Variants in ATG16L1 observed in about 807,000 individuals in gnomAD.
ATG16L1 encodes autophagy related 16 like 1.
A neutral mutation model predicts 88.5 loss-of-function variants in ATG16L1; 37 were observed. The ratio of observed to expected loss-of-function variants is 0.42; its 90% CI spans 0.32 to 0.55. ATG16L1 has a LOEUF of 0.55. Among genes scored for constraint, ATG16L1 ranks in the 20% least tolerant of loss-of-function variants. The pLI, the probability that ATG16L1 is intolerant of heterozygous loss-of-function variation, is 0.13. For synonymous variants in ATG16L1, 301 were observed against 281.0 expected, an observed-to-expected ratio of 1.07 and a Z score of -0.71; for missense variants, 554 against 752.8, an observed-to-expected ratio of 0.74 and a Z score of 3.09.
chr2:233,279,488 T>C (rs912617283), intron 10 of ATG16L1, among the ~76,000 whole-genome samples: 2 of 152,252 alleles, frequency 1.3e-5, no homozygotes, highest in African/African-American at 4.8e-5. Flanking sequence ...CGGCATTTCT[T>C]ACAGTTTTGT....
intron 2 of ATG16L1, among the ~76,000 whole-genome samples, chr2:233,257,722 G>T (rs1035844733): frequency 1.3e-5 from 2 of 152,078 alleles, no homozygotes; most frequent in African/African-American, 4.8e-5. Flanking sequence ...AAATATCAGT[G>T]TGTGCTGGGC....
At chr2:233,273,544 C>T in intron 7 of ATG16L1, 177 bp from the exon 8 acceptor site, 1 of 585,928 alleles carries the variant, frequency 1.7e-6, no homozygotes, top group Non-Finnish European at 3.0e-6. Flanking sequence ...CTGGGTTTTC[C>T]CTTTCCCTTC....
intron 16 of ATG16L1, 83 bp downstream of exon 16, chr2:233,292,517 A>G: frequency 6.4e-7 from 1 of 1,572,882 alleles, no homozygotes; most frequent in Non-Finnish European, 8.7e-7. Context: ...ATATAGAGCT[A>G]AATTTTGTTC....
intron 12 of ATG16L1, chr2:233,283,075 C>T (rs1698824790): frequency 3.8e-6 from 1 of 261,164 alleles, no homozygotes; most frequent in African/African-American, 2.2e-5. Flanking sequence ...AATTGTGATT[C>T]CTGTGGGCTC....
At chr2:233,275,221 C>G (rs1698266698) in intron 9 of ATG16L1, among the ~76,000 whole-genome samples, 1 of 152,200 alleles carries the variant, frequency 6.6e-6, no homozygotes, top group South Asian at 2.1e-4. Context: ...TGACTGGAAG[C>G]AGTCCTGGGC....
chr2:233,252,038 G>T lies in ATG16L1; in HGVS notation c.115+96G>T, dbSNP rs950950568. 10 of 1,109,936 alleles carry T rather than the reference G, an allele frequency of 9.0e-6. No homozygotes were observed. The Admixed American group carries it at 3.2e-4, about 35-fold the overall frequency. The allele number at this position is 1,109,936 out of a possible 1,614,324, so 68.8% of individuals were successfully genotyped here. On this transcript the variant is annotated intron_variant, in intron 1 of 17. Coordinates refer to ENST00000392017, the MANE Select transcript of ATG16L1 (RefSeq NM_030803.7). ...AACCTGAGGCCGAGTCCCTGGCGCC[G>T]CCCGCACGCATGGCGGCCGCCCCGG...
At position 233,273,020 on chromosome 2, in the gene ATG16L1, C is replaced by T; in HGVS notation, c.762C>T (p.Thr254=). Residue 254 remains threonine (T), a synonymous_variant, in exon 7 of 18, where the codon ACC becomes ACT. Transcript: ENST00000392017. The stretch of plus-strand genomic sequence containing the variant: ...AAACTTCTGATCACACAGAAGAGAC[C>T]TCTCCTGTGCGAGCCATCAGCAGAG... ...VDETSDHTEE[T]SPVRAISRAA... 1 of 1,614,050 alleles carries T rather than the reference C, an allele frequency of 6.2e-7. No homozygotes were observed. The highest frequency in any genetic ancestry group is 8.5e-7 in the Non-Finnish European group (1 of 1,179,956).
intron 12 of ATG16L1, among the ~76,000 whole-genome samples, chr2:233,285,003 T>A (rs957567640): frequency 1.3e-5 from 2 of 152,248 alleles, no homozygotes; most frequent in South Asian, 2.1e-4. Flanking sequence ...CTGAGGAGCC[T>A]ATGTTCTTGT....
rs530569683 is a variant in ATG16L1, at chr2:233,293,202, G to A, written c.1629-54G>A. On this transcript the variant is annotated intron_variant, in intron 16 of 17. Transcript: ENST00000392017. ...TTCTTGGGAAAAAGGCCACAGAGAT[G>A]CTGAATTGGGGGTGGGGAATTGACA... 150 of 1,471,072 alleles carry A rather than the reference G, an allele frequency of 1.0e-4. No individual in the cohort carries two copies. In the African/African-American group the frequency reaches 1.8e-3, roughly 18 times the overall value. The allele number at this position is 1,471,072 out of a possible 1,614,324, so 91.1% of individuals were successfully genotyped here.
intron 7 of ATG16L1, 34 bp downstream of exon 7, chr2:233,273,086 G>A: frequency 7.1e-6 from 11 of 1,549,562 alleles, no homozygotes; most frequent in Non-Finnish European, 9.8e-6. Flanking sequence ...GGAAAAGACA[G>A]CTTGAGGAGC....
intron 5 of ATG16L1, among the ~76,000 whole-genome samples, chr2:233,269,356 G>T (rs114795284): frequency 1.6e-3 from 239 of 152,262 alleles, no homozygotes; most frequent in African/African-American, 5.6e-3. Flanking sequence ...TAGTAATCAG[G>T]CTGTGGGTGT....
At chr2:233,285,730 C>CT (rs146234827) in intron 12 of ATG16L1, among the ~76,000 whole-genome samples, 226 of 152,052 alleles carry the variant, frequency 1.5e-3, no homozygotes, top group Non-Finnish European at 2.3e-3. Flanking sequence ...GGAGTGCTGG[C>CT]TTTTTTTTAG....
At chr2:233,256,267 C>CT (rs1218143517) in intron 2 of ATG16L1, 72 bp downstream of exon 2, 2 of 1,305,666 alleles carry the variant, frequency 1.5e-6, no homozygotes, top group Non-Finnish European at 2.2e-6. Flanking sequence ...TGTCACTTCT[C>CT]TAATTTAAAA....
intron 8 of ATG16L1, 72 bp downstream of exon 8, chr2:233,273,849 T>G (rs2125249357): frequency 6.4e-7 from 1 of 1,554,842 alleles, no homozygotes; most frequent in South Asian, 1.1e-5. Flanking sequence ...CTTATTTTTA[T>G]TCTTTAAATG....
chr2:233,253,626 A>G, intron 1 of ATG16L1, among the ~76,000 whole-genome samples: 1 of 152,264 alleles, frequency 6.6e-6, no homozygotes, highest in East Asian at 1.9e-4. Flanking sequence ...GATTACAGGC[A>G]TGAGCCACAG....
intron 16 of ATG16L1, 136 bp from the exon 17 acceptor site, chr2:233,293,120 C>T: frequency 1.3e-6 from 1 of 754,784 alleles, no homozygotes; most frequent in South Asian, 1.6e-5. Flanking sequence ...CCATGACTAG[C>T]ACACATTCTG....
chr2:233,262,999 A>G (rs1026680457), intron 2 of ATG16L1, 131 bp from the exon 3 acceptor site: 1 of 774,022 alleles, frequency 1.3e-6, no homozygotes, highest in Non-Finnish European at 2.2e-6. Context: ...GAGACACCCG[A>G]ATGGTTTATT....
chr2:233,290,146 A>C, intron 13 of ATG16L1, 102 bp from the exon 14 acceptor site: 1 of 1,506,162 alleles, frequency 6.6e-7, no homozygotes, highest in Non-Finnish European at 9.2e-7. Flanking sequence ...AGCTTCATTT[A>C]AGTGAGTAAC....
chr2:233,284,277 A>T (rs946119149), intron 12 of ATG16L1, among the ~76,000 whole-genome samples: 29 of 151,526 alleles, frequency 1.9e-4, no homozygotes, highest in African/African-American at 6.3e-4. Context: ...CCTCCCAAGC[A>T]GCTGGGATTA....
Sources: allele counts gnomAD v4.1 joint callset (sites outside exome capture counted in the v4.1 genomes callset), GRCh38; gene constraint gnomAD v4.1.1; transcripts MANE v1.5; gene names NCBI Gene and HGNC (gene_info 2026-07-23, HGNC 2026-07-21).